Variants in SLIT3 observed in about 807,000 individuals in gnomAD.
The protein encoded by SLIT3 is slit homolog 3 protein.
SLIT3 carries 68 observed loss-of-function variants against 184.0 expected under a neutral mutation model. The observed-to-expected ratio is 0.37, with a 90% CI of 0.30 to 0.45. The LOEUF (loss-of-function observed/expected upper bound fraction) is 0.45, where lower values mean the gene tolerates loss of function less well. Ranked by LOEUF, SLIT3 falls within the 20% of genes least tolerant of loss-of-function variation. The pLI is 1.00. For synonymous variants in SLIT3, 831 were observed against 828.6 expected (o/e 1.00, Z -0.05); for missense variants, 1,707 against 2,026.0 (o/e 0.84, Z 3.02).
chr5:169,254,298 G>A lies in SLIT3; in HGVS notation c.198-2839C>T, dbSNP rs118187623. Among the ~76,000 whole-genome samples, 8 of 152,182 alleles carry A rather than the reference G, an allele frequency of 5.3e-5. No individual in the cohort carries two copies. The East Asian group carries it at 5.8e-4, about 11-fold the overall frequency. Reference sequence around the variant, plus strand: ...TCCCAAGGCCAGCCCCCACTGTCCCGGCCCAGGCTCCTCCAGACCTTTATG... The same window carrying A: ...TCCCAAGGCCAGCCCCCACTGTCCCAGCCCAGGCTCCTCCAGACCTTTATG... On this transcript the variant is annotated intron_variant, in intron 1 of 35. Coordinates refer to ENST00000519560, the MANE Select transcript of SLIT3 (RefSeq NM_003062.4).
rs149326106 is a variant in SLIT3 at position 169,038,962 on chromosome 5, T to C, written c.413+154517A>G. ...CTTCTAGGAAAAGTTTACTCCCTCC[T>C]AAGAAAAAAGCATGGAGAAAAGATG... On this transcript the variant is annotated intron_variant, in intron 4 of 35. Coordinates refer to ENST00000519560, the MANE Select transcript of SLIT3 (RefSeq NM_003062.4). Among the ~76,000 whole-genome samples the C allele has an allele frequency of 3.3e-4, 50 of 152,224 alleles. No homozygotes were observed. The East Asian group carries it at 9.1e-3, about 28-fold the overall frequency.
chr5:168,856,339 G>A (rs900505238), intron 5 of SLIT3, among the ~76,000 whole-genome samples: 2 of 152,164 alleles, frequency 1.3e-5, no homozygotes, highest in Admixed American at 1.3e-4. Context: ...GTGAAAGGTA[G>A]GGAAGCCTAG....
chr5:169,110,180 T>C (rs1760361587), intron 4 of SLIT3, among the ~76,000 whole-genome samples: 1 of 152,212 alleles, frequency 6.6e-6, no homozygotes, highest in African/African-American at 2.4e-5. Context: ...ACAGACACAC[T>C]CATGCTTACC....
At chr5:168,701,107 A>C (rs1168778659) in intron 26 of SLIT3, among the ~76,000 whole-genome samples, 1 of 152,232 alleles carries the variant, frequency 6.6e-6, no homozygotes, top group African/African-American at 2.4e-5. Context: ...GGTTGCTATG[A>C]GAATTAAACT....
chr5:168,933,053 A>T (rs1042054277), intron 4 of SLIT3, among the ~76,000 whole-genome samples: 2 of 152,214 alleles, frequency 1.3e-5, no homozygotes, highest in Non-Finnish European at 2.9e-5. Flanking sequence ...ATTCACTATC[A>T]ATGGATCAAG....
At chr5:168,832,736 T>C (rs563061402) in intron 6 of SLIT3, among the ~76,000 whole-genome samples, 1 of 152,286 alleles carries the variant, frequency 6.6e-6, no homozygotes, top group South Asian at 2.1e-4. Flanking sequence ...TTCTTCCCTT[T>C]TGTTATTTTT....
intron 1 of SLIT3, among the ~76,000 whole-genome samples, chr5:169,276,587 A>G (rs1381538473): frequency 1.3e-5 from 2 of 152,198 alleles, no homozygotes; most frequent in Non-Finnish European, 2.9e-5. Flanking sequence ...ACCTGCAAGG[A>G]GACATGTTAC....
chr5:169,158,815 A>G lies in SLIT3; in HGVS notation c.413+34664T>C, dbSNP rs141215741. On this transcript the variant is annotated intron_variant, in intron 4 of 35. Transcript: ENST00000519560. Reference sequence around the variant, plus strand: ...GCACTACTAAAAATGCTATACAGAAAAAGAATCAAAAACCTATAAATAAAT... The same window carrying G: ...GCACTACTAAAAATGCTATACAGAAGAAGAATCAAAAACCTATAAATAAAT... 1.2e-4 allele frequency among the ~76,000 whole-genome samples: 18 copies of G among 152,352 alleles called. No individual in the cohort carries two copies. In the East Asian group the frequency reaches 2.5e-3, roughly 21 times the overall value.
At chr5:169,013,747 T>C (rs902911144) in intron 4 of SLIT3, among the ~76,000 whole-genome samples, 6 of 152,226 alleles carry the variant, frequency 3.9e-5, no homozygotes, top group African/African-American at 1.4e-4. Flanking sequence ...GCCTGGCTCC[T>C]ACTCCTTCAG....
chr5:168,927,348 C>T (rs888794786), intron 4 of SLIT3, among the ~76,000 whole-genome samples: 1 of 152,044 alleles, frequency 6.6e-6, no homozygotes, highest in African/African-American at 2.4e-5. Flanking sequence ...CTAGTAGTTT[C>T]CAGGGTTTGG....
intron 4 of SLIT3, among the ~76,000 whole-genome samples, chr5:168,932,663 C>A (rs1290927570): frequency 6.6e-6 from 1 of 152,174 alleles, no homozygotes; most frequent in Non-Finnish European, 1.5e-5. Context: ...CGGTCAGATC[C>A]CAGCAACTCC....
intron 5 of SLIT3, among the ~76,000 whole-genome samples, chr5:168,845,164 G>A (rs376997997): frequency 2.0e-5 from 3 of 152,018 alleles, no homozygotes; most frequent in Non-Finnish European, 4.4e-5. Flanking sequence ...ACCCAAGAGC[G>A]GCAAGGGTGC....
intron 8 of SLIT3, among the ~76,000 whole-genome samples, chr5:168,810,899 G>A (rs1308731706): frequency 6.6e-6 from 1 of 152,108 alleles, no homozygotes; most frequent in African/African-American, 2.4e-5. Context: ...CCCTGCGGCT[G>A]CTTGCATGGG....
At chr5:169,283,021 G>T (rs2113649042) in intron 1 of SLIT3, among the ~76,000 whole-genome samples, 1 of 152,256 alleles carries the variant, frequency 6.6e-6, no homozygotes, top group East Asian at 1.9e-4. Context: ...TGAGAACCAG[G>T]GCTTCAGGAC....
At chr5:169,199,069 C>T (rs1763834010) in intron 3 of SLIT3, among the ~76,000 whole-genome samples, 1 of 151,308 alleles carries the variant, frequency 6.6e-6, no homozygotes, top group Non-Finnish European at 1.5e-5. Flanking sequence ...AGCAGTAAGC[C>T]CAGTTTGGAG....
chr5:168,926,567 T>C (rs1016339246), intron 4 of SLIT3, among the ~76,000 whole-genome samples: 2 of 152,234 alleles, frequency 1.3e-5, no homozygotes, highest in African/African-American at 2.4e-5. Flanking sequence ...GGCAGACCTA[T>C]ATTTCTACAA....
chr5:169,258,607 G>T (rs879545630), intron 1 of SLIT3, among the ~76,000 whole-genome samples: 1 of 152,204 alleles, frequency 6.6e-6, no homozygotes, highest in Non-Finnish European at 1.5e-5. Flanking sequence ...ATCCCAATCA[G>T]TGAATCATAA....
intron 4 of SLIT3, among the ~76,000 whole-genome samples, chr5:168,957,437 C>T (rs1180505235): frequency 6.6e-6 from 1 of 152,088 alleles, no homozygotes; most frequent in Non-Finnish European, 1.5e-5. Flanking sequence ...TCTTGTAGAC[C>T]AAAGTGACTC....
intron 4 of SLIT3, among the ~76,000 whole-genome samples, chr5:169,142,884 A>C (rs949522411): frequency 6.6e-6 from 1 of 152,224 alleles, no homozygotes; most frequent in African/African-American, 2.4e-5. Context: ...GATTGTTCAA[A>C]TTGGAGCTGG....
Sources: allele counts gnomAD v4.1 joint callset (sites outside exome capture counted in the v4.1 genomes callset), GRCh38; gene constraint gnomAD v4.1.1; transcripts MANE v1.5; gene names NCBI Gene and HGNC (gene_info 2026-07-23, HGNC 2026-07-21).